Variants in ARL15 observed in about 807,000 individuals in gnomAD.
ARL15 encodes the protein ADP-ribosylation factor-like protein 15.
A neutral mutation model predicts 25.2 loss-of-function variants in ARL15; 19 were observed. That is an observed-to-expected ratio of 0.75 (90% confidence interval 0.53 to 1.10). ARL15 has a LOEUF of 1.10. ARL15 is among the 50% of genes least tolerant of loss of function. The pLI, the probability that ARL15 is intolerant of heterozygous loss-of-function variation, is 0.00. For missense variants in ARL15, 220 were observed against 246.0 expected (o/e 0.89, Z 0.71); for synonymous variants, 94 against 86.8 (o/e 1.08, Z -0.46).
intron 3 of ARL15, among the ~76,000 whole-genome samples, chr5:54,128,435 T>C (rs1753327056): frequency 6.6e-6 from 1 of 152,340 alleles, no homozygotes; most frequent in Middle Eastern, 3.4e-3. Context: ...TTCACTCAAT[T>C]CATGTGTGCT....
At chr5:53,943,022 A>G (rs1353554046) in intron 4 of ARL15, among the ~76,000 whole-genome samples, 1 of 152,070 alleles carries the variant, frequency 6.6e-6, no homozygotes, top group Non-Finnish European at 1.5e-5. Context: ...GGCAACAAAG[A>G]GACAATAAAT....
At chr5:54,202,528 T>A (rs1023195192) in intron 1 of ARL15, among the ~76,000 whole-genome samples, 1 of 152,094 alleles carries the variant, frequency 6.6e-6, no homozygotes, top group South Asian at 2.1e-4. Flanking sequence ...GAAAAGGGAA[T>A]CTCCTCTAAA....
chr5:54,105,585 T>C (rs1250316168), intron 4 of ARL15, among the ~76,000 whole-genome samples: 2 of 152,168 alleles, frequency 1.3e-5, no homozygotes, highest in Non-Finnish European at 2.9e-5. Context: ...TACATTTTTT[T>C]ATTTGTTTGT....
intron 4 of ARL15, among the ~76,000 whole-genome samples, chr5:54,112,127 T>C (rs554275453): frequency 1.2e-4 from 19 of 152,210 alleles, no homozygotes; most frequent in Non-Finnish European, 2.6e-4. Context: ...CTTTCTTTTT[T>C]TTAAACTGTG....
intron 4 of ARL15, among the ~76,000 whole-genome samples, chr5:53,971,895 T>C (rs1747765654): frequency 6.6e-6 from 1 of 152,194 alleles, no homozygotes; most frequent in South Asian, 2.1e-4. Flanking sequence ...GCAATGTTCA[T>C]TTTCCCAAAT....
chr5:54,203,008 A>G (rs1755764486), intron 1 of ARL15, among the ~76,000 whole-genome samples: 1 of 152,180 alleles, frequency 6.6e-6, no homozygotes, highest in Non-Finnish European at 1.5e-5. Context: ...TCCCCATTCT[A>G]TGCCATGATT....
At chr5:54,197,126 T>C (rs956061888) in intron 1 of ARL15, among the ~76,000 whole-genome samples, 16 of 152,108 alleles carry the variant, frequency 1.1e-4, no homozygotes, top group African/African-American at 3.9e-4. Context: ...TCAGTTTGTT[T>C]TTTTTTTATT....
intron 4 of ARL15, among the ~76,000 whole-genome samples, chr5:54,103,617 T>C (rs915748936): frequency 1.5e-4 from 23 of 152,298 alleles, no homozygotes; most frequent in African/African-American, 5.5e-4. Flanking sequence ...CTATGTACAC[T>C]GGAAGAGTGG....
intron 1 of ARL15, among the ~76,000 whole-genome samples, chr5:54,207,374 CACAG>C (rs1254566240): frequency 6.6e-6 from 1 of 152,168 alleles, no homozygotes; most frequent in Non-Finnish European, 1.5e-5. Context: ...AGCATCTAAA[CACAG>C]ACAGAGCATG....
chr5:54,088,779 A>G (rs1458341323), intron 4 of ARL15, among the ~76,000 whole-genome samples: 1 of 152,208 alleles, frequency 6.6e-6, no homozygotes, highest in African/African-American at 2.4e-5. Flanking sequence ...ATTCTACTTA[A>G]GTAGCTCTCT....
At chr5:53,937,139 C>T (rs564861373) in intron 4 of ARL15, among the ~76,000 whole-genome samples, 1 of 152,278 alleles carries the variant, frequency 6.6e-6, no homozygotes, top group East Asian at 1.9e-4. Context: ...TCCCCGGAGG[C>T]TCGGTGTCAA....
chr5:54,128,336 G>A (rs933648307), intron 3 of ARL15, among the ~76,000 whole-genome samples: 2 of 152,190 alleles, frequency 1.3e-5, no homozygotes, highest in African/African-American at 4.8e-5. Flanking sequence ...CTTTATGACT[G>A]TTGTGGGCTG....
intron 4 of ARL15, among the ~76,000 whole-genome samples, chr5:53,970,506 G>T (rs1181546608): frequency 6.6e-6 from 1 of 152,148 alleles, no homozygotes; most frequent in East Asian, 1.9e-4. Flanking sequence ...GAGAGGGAGA[G>T]AGAGAGAGCG....
intron 1 of ARL15, among the ~76,000 whole-genome samples, chr5:54,219,948 G>A (rs113152636): frequency 3.3e-5 from 5 of 152,000 alleles, no homozygotes; most frequent in African/African-American, 1.2e-4. Context: ...GTATCTTGAA[G>A]GAATAAACAT....
intron 4 of ARL15, among the ~76,000 whole-genome samples, chr5:54,046,200 G>T (rs1396521958): frequency 6.6e-6 from 1 of 152,214 alleles, no homozygotes; most frequent in African/African-American, 2.4e-5. Context: ...AATAGAATGG[G>T]CTGGGCGTGG....
At chr5:53,965,712 T>G (rs1385698842) in intron 4 of ARL15, among the ~76,000 whole-genome samples, 1 of 152,106 alleles carries the variant, frequency 6.6e-6, no homozygotes, top group Non-Finnish European at 1.5e-5. Context: ...CCAGTGGACT[T>G]GACTATATCA....
chr5:54,251,559 A>T (rs1757237321), intron 1 of ARL15, among the ~76,000 whole-genome samples: 1 of 152,214 alleles, frequency 6.6e-6, no homozygotes, highest in African/African-American at 2.4e-5. Flanking sequence ...AAGTTTATTT[A>T]AATGGTTATT....
chr5:54,020,360 C>T (rs990277865), intron 4 of ARL15, among the ~76,000 whole-genome samples: 1 of 152,058 alleles, frequency 6.6e-6, no homozygotes, highest in South Asian at 2.1e-4. Context: ...AGTAAGAATC[C>T]CCACCTCTCC....
intron 1 of ARL15, among the ~76,000 whole-genome samples, chr5:54,173,196 A>G (rs1754771283): frequency 1.3e-5 from 2 of 150,510 alleles, no homozygotes; most frequent in South Asian, 4.2e-4. Context: ...AAAAAAAAAA[A>G]AAAGAAAAGA....
Sources: gnomAD v4.1 joint callset for allele counts (sites outside exome capture counted in the v4.1 genomes callset) on GRCh38, gnomAD v4.1.1 for gene constraint, MANE v1.5 for transcripts, NCBI Gene and HGNC (gene_info 2026-07-23, HGNC 2026-07-21) for gene names.